Variants in ACTR3C observed in about 807,000 individuals in gnomAD.
ACTR3C encodes actin related protein 3C.
In ACTR3C, 18 loss-of-function variants were observed where a neutral mutation model predicts 26.3. The ratio of observed to expected loss-of-function variants is 0.68; its 90% CI spans 0.47 to 1.01. ACTR3C has a LOEUF of 1.01. Among genes scored for constraint, ACTR3C ranks in the 50% least tolerant of loss-of-function variants. The pLI, the probability that ACTR3C is intolerant of heterozygous loss-of-function variation, is 0.00. For missense variants in ACTR3C, 184 were observed against 250.7 expected (o/e 0.73, Z 1.80); for synonymous variants, 55 against 94.5 (o/e 0.58, Z 2.42).
the ACTR3C span, among the ~76,000 whole-genome samples, chr7:149,959,227 CCA>C: frequency 0.67 from 84,882 of 125,852 alleles, 25,651 homozygotes; most frequent in Non-Finnish European, 0.7. Flanking sequence ...AGCTCGCCCC[CCA>C]CCCCCACAAT....
the ACTR3C span, among the ~76,000 whole-genome samples, chr7:150,023,342 T>TACATACATAG: frequency 1.6e-4 from 3 of 18,306 alleles, no homozygotes; most frequent in Admixed American, 6.7e-4. Context: ...TACATACATA[T>TACATACATAG]ATATTTTAGA....
Position 150,279,923 on chromosome 7 carries a change from TAAATCCCCTAATTTAAC to T in ACTR3C, c.564+4813_564+4829del, listed in dbSNP as rs533464693. ...AGAACCGAATCATCTCGTACATACTTAAATCCCCTAATTTAACAACAGTGTCTTGTACCTAGTAGGTA... is the reference window on the plus strand; with the variant it reads ...AGAACCGAATCATCTCGTACATACTTAACAGTGTCTTGTACCTAGTAGGTA... On this transcript the variant is annotated intron_variant, in intron 6 of 7. Coordinates refer to ENST00000683684, the MANE Select transcript of ACTR3C (RefSeq NM_001164458.2). 1.8e-4 allele frequency among the ~76,000 whole-genome samples: 28 copies of T among 152,288 alleles called. 1 individual carries two copies. The South Asian group carries it at 5.4e-3, about 29-fold the overall frequency.
the ACTR3C span, among the ~76,000 whole-genome samples, chr7:150,038,091 C>T: frequency 8.0e-5 from 11 of 137,636 alleles, 1 homozygote; most frequent in African/African-American, 2.2e-4. Context: ...GGTGCCTCCC[C>T]CCCTGTGATG....
At chr7:150,010,038 A>G in the ACTR3C span, among the ~76,000 whole-genome samples, 65 of 152,336 alleles carry the variant, frequency 4.3e-4, no homozygotes, top group East Asian at 0.012. Flanking sequence ...ATACTCTGCA[A>G]AGTCCCGAGA....
At chr7:150,108,867 T>C in the ACTR3C span, among the ~76,000 whole-genome samples, 5 of 150,978 alleles carry the variant, frequency 3.3e-5, no homozygotes, top group African/African-American at 9.8e-5. Flanking sequence ...AGAGTAGTTG[T>C]GGGGAAGGAC....
At chr7:150,263,812 C>T (rs1489456040) in intron 6 of ACTR3C, among the ~76,000 whole-genome samples, 1 of 152,242 alleles carries the variant, frequency 6.6e-6, no homozygotes, top group Non-Finnish European at 1.5e-5. Context: ...GTTTTAAATG[C>T]ATTCATTTCA....
At chr7:150,108,687 G>T in the ACTR3C span, among the ~76,000 whole-genome samples, 2 of 150,558 alleles carry the variant, frequency 1.3e-5, no homozygotes, top group South Asian at 4.2e-4. Context: ...CTGCCATGGA[G>T]GACACAGCAA....
At chr7:150,175,409 A>C in the ACTR3C span, among the ~76,000 whole-genome samples, 1 of 143,970 alleles carries the variant, frequency 6.9e-6, no homozygotes, top group Non-Finnish European at 1.5e-5. Context: ...TCTCCCTCTC[A>C]TTCGTATTCA....
the ACTR3C span, among the ~76,000 whole-genome samples, chr7:150,174,860 C>G: frequency 6.8e-6 from 1 of 148,108 alleles, no homozygotes; most frequent in Non-Finnish European, 1.5e-5. Context: ...ATTGCTGAAA[C>G]TAAACAACTA....
chr7:150,251,341 AAAATT>A (rs1251563870), intron 6 of ACTR3C, among the ~76,000 whole-genome samples: 2 of 152,244 alleles, frequency 1.3e-5, no homozygotes, highest in Non-Finnish European at 2.9e-5. Context: ...CTTTAAAACT[AAAATT>A]AACTGCGTTT....
chr7:150,034,503 G>A, the ACTR3C span, among the ~76,000 whole-genome samples: 1 of 151,404 alleles, frequency 6.6e-6, no homozygotes, highest in Non-Finnish European at 1.5e-5. Context: ...TCATACAAAG[G>A]CTTGGCTAAT....
chr7:150,216,430 G>GT, the ACTR3C span, among the ~76,000 whole-genome samples: 1 of 151,724 alleles, frequency 6.6e-6, no homozygotes, highest in Non-Finnish European at 1.5e-5. Context: ...TTCTGGGGTT[G>GT]TGGGGGTGAG....
At chr7:150,209,902 G>A in the ACTR3C span, among the ~76,000 whole-genome samples, 3 of 143,504 alleles carry the variant, frequency 2.1e-5, no homozygotes, top group African/African-American at 8.1e-5. Flanking sequence ...CTGGGTGACA[G>A]AGCGAGACTG....
the ACTR3C span, among the ~76,000 whole-genome samples, chr7:150,028,308 A>T: frequency 6.6e-6 from 1 of 152,236 alleles, no homozygotes; most frequent in Non-Finnish European, 1.5e-5. Context: ...TGGCATTGAC[A>T]TCTTTGTGGC....
chr7:150,228,430 G>T, the ACTR3C span, among the ~76,000 whole-genome samples: 1 of 152,138 alleles, frequency 6.6e-6, no homozygotes, highest in East Asian at 1.9e-4. Context: ...ATGACAAAAG[G>T]GACTTTCCCA....
chr7:150,119,955 G>A, the ACTR3C span, among the ~76,000 whole-genome samples: 1 of 152,170 alleles, frequency 6.6e-6, no homozygotes, highest in Non-Finnish European at 1.5e-5. Flanking sequence ...CAACTACATG[G>A]AAACTGAACA....
At chr7:150,067,909 C>A in the ACTR3C span, among the ~76,000 whole-genome samples, 1 of 150,926 alleles carries the variant, frequency 6.6e-6, no homozygotes, top group Admixed American at 6.6e-5. Flanking sequence ...TCTCTTTAGA[C>A]AAAAATGAGA....
chr7:150,036,796 C>G, the ACTR3C span, among the ~76,000 whole-genome samples: 4 of 135,418 alleles, frequency 3.0e-5, no homozygotes, highest in South Asian at 2.3e-4. Context: ...TAATTGGACA[C>G]CTAACACCCA....
At chr7:150,022,255 T>C in the ACTR3C span, among the ~76,000 whole-genome samples, 2 of 151,992 alleles carry the variant, frequency 1.3e-5, no homozygotes, top group South Asian at 4.1e-4. Flanking sequence ...TTGTTGGCCA[T>C]TTGTATACCT....
Sources: gnomAD v4.1 joint callset for allele counts (sites outside exome capture counted in the v4.1 genomes callset) on GRCh38, gnomAD v4.1.1 for gene constraint, MANE v1.5 for transcripts, NCBI Gene and HGNC (gene_info 2026-07-23, HGNC 2026-07-21) for gene names.